The following USP15 variants were observed in gnomAD, a reference collection of about 807,000 sequenced individuals.
USP15 encodes ubiquitin carboxyl-terminal hydrolase 15.
A neutral mutation model predicts 127.1 loss-of-function variants in USP15; 18 were observed. That is an observed-to-expected ratio of 0.14 (90% CI 0.10 to 0.21). The LOEUF is 0.21. USP15 is among the 10% of genes least tolerant of loss of function. The probability of loss-of-function intolerance (pLI) is 1.00; values close to 1 mark genes in which losing one functional copy is unlikely to be tolerated. For synonymous variants in USP15, 364 were observed against 393.7 expected (o/e 0.92, Z 0.89); for missense variants, 805 against 1,159.9 (o/e 0.69, Z 4.44).
chr12:62,277,359 A>G (rs750282462), intron 1 of USP15, among the ~76,000 whole-genome samples: 1 of 152,196 alleles, frequency 6.6e-6, no homozygotes, highest in East Asian at 1.9e-4. Context: ...AAGGAAGGGG[A>G]TGGTATTAGG....
chr12:62,399,120 G>A (rs567967945), intron 20 of USP15, among the ~76,000 whole-genome samples: 2 of 152,094 alleles, frequency 1.3e-5, no homozygotes, highest in South Asian at 4.1e-4. Flanking sequence ...AGATCTAAGT[G>A]CAGCATCTGC....
intron 1 of USP15, among the ~76,000 whole-genome samples, chr12:62,272,600 T>C (rs1448738289): frequency 6.6e-6 from 1 of 151,980 alleles, no homozygotes; most frequent in Non-Finnish European, 1.5e-5. Context: ...TAAATTTGCA[T>C]CTAGTGTAAA....
At chr12:62,330,474 A>G (rs530370391) in intron 6 of USP15, among the ~76,000 whole-genome samples, 1 of 151,658 alleles carries the variant, frequency 6.6e-6, no homozygotes, top group Admixed American at 6.6e-5. Flanking sequence ...AACCCCAGCT[A>G]TTCAGGAGGC....
At chr12:62,380,144 C>T (rs2066946501) in intron 8 of USP15, among the ~76,000 whole-genome samples, 1 of 151,890 alleles carries the variant, frequency 6.6e-6, no homozygotes, top group Non-Finnish European at 1.5e-5. Context: ...ATTATATAAT[C>T]GTAAATTCCA....
In USP15 at chr12:62,324,599, T is replaced by A. The variant is rs190705314; in HGVS notation, c.622-1273T>A. On this transcript the variant is annotated intron_variant, in intron 5 of 21. Coordinates refer to ENST00000280377, the MANE Select transcript of USP15 (RefSeq NM_001252078.2). ...AATTGAGACAGTGATTACTTGTCTCTAGTAGGTAGGGAGAGGAAGGTGATC... is the reference window on the plus strand; with the variant it reads ...AATTGAGACAGTGATTACTTGTCTCAAGTAGGTAGGGAGAGGAAGGTGATC... Among the ~76,000 whole-genome samples, 10 of 152,104 alleles carry A rather than the reference T, an allele frequency of 6.6e-5. No individual in the cohort carries two copies. In the East Asian group the frequency reaches 1.4e-3, roughly 21 times the overall value.
intron 3 of USP15, chr12:62,303,130 C>A: frequency 2.2e-6 from 1 of 444,856 alleles, no homozygotes; most frequent in South Asian, 2.8e-5. Context: ...ATTGATTAAT[C>A]CTCTATATAT....
intron 6 of USP15, among the ~76,000 whole-genome samples, chr12:62,346,086 G>C (rs903893251): frequency 6.6e-6 from 1 of 152,172 alleles, no homozygotes; most frequent in Non-Finnish European, 1.5e-5. Flanking sequence ...GTGGTGTCAT[G>C]AAAACAATGA....
rs148523500 is a variant in USP15, at chr12:62,340,720, T to C, written c.684-8501T>C. Among the ~76,000 whole-genome samples, 9 of 152,346 alleles carry C rather than the reference T, an allele frequency of 5.9e-5. No homozygotes were observed. In the East Asian group the frequency reaches 1.7e-3, roughly 29 times the overall value. On this transcript the variant is annotated intron_variant, in intron 6 of 21. Transcript: ENST00000280377. Reference sequence around the variant, plus strand: ...TGAGTTTCTTATCCTGAGTTCTTACTTGATTGCACTGTGGTCTGAGAGACT... The same window carrying C: ...TGAGTTTCTTATCCTGAGTTCTTACCTGATTGCACTGTGGTCTGAGAGACT...
chr12:62,291,090 A>G (rs2063953598), intron 1 of USP15, among the ~76,000 whole-genome samples: 1 of 151,892 alleles, frequency 6.6e-6, no homozygotes, highest in African/African-American at 2.4e-5. Flanking sequence ...CTTGCAATGT[A>G]TTTTTCTGGG....
At chr12:62,272,102 A>G (rs557383986) in intron 1 of USP15, among the ~76,000 whole-genome samples, 44 of 151,944 alleles carry the variant, frequency 2.9e-4, no homozygotes, top group African/African-American at 8.9e-4. Context: ...AAAATACTAG[A>G]TGCTGCCAGT....
rs1352262968 is a variant in USP15, at chr12:62,415,055, T to A, written c.*10680T>A. The stretch of plus-strand genomic sequence containing the variant: ...ATTTATAAGGAATTAGTTCATGCAC[T>A]TAGGCTGAGAAGTCTCATGATCTTC... On this transcript the variant is annotated 3_prime_UTR_variant, in exon 22 of 22. Transcript: ENST00000280377. 1.3e-5 allele frequency: 2 copies of A among 151,600 alleles called. No homozygotes were observed. Among genetic ancestry groups the A allele is most frequent in the African/African-American group, 4.9e-5 (2 of 41,162 alleles). The allele number at this position is 151,600 out of a possible 1,614,324, so 9.4% of individuals were successfully genotyped here. A position where few individuals can be genotyped will look rare whatever the true frequency, so the allele number is the denominator to read the frequency against.
intron 6 of USP15, among the ~76,000 whole-genome samples, chr12:62,341,630 G>A (rs1268697258): frequency 6.6e-6 from 1 of 152,076 alleles, no homozygotes; most frequent in African/African-American, 2.4e-5. Context: ...TTTCTCCTTT[G>A]CTTCTGAAGC....
chr12:62,303,025 A>G (rs539644223), intron 3 of USP15, 105 bp downstream of exon 3: 5 of 1,332,136 alleles, frequency 3.8e-6, no homozygotes, highest in African/African-American at 3.0e-5. Context: ...TCTTAGAGAA[A>G]AAGCCAGCAA....
intron 4 of USP15, among the ~76,000 whole-genome samples, chr12:62,316,283 CAAA>C (rs146374195): frequency 1.1e-4 from 9 of 85,112 alleles, no homozygotes; most frequent in East Asian, 4.4e-4. Flanking sequence ...GACTTTATCT[CAAA>C]AAAAAAAAAA....
chr12:62,386,355 T>C (rs2067149309), intron 11 of USP15, among the ~76,000 whole-genome samples: 1 of 151,924 alleles, frequency 6.6e-6, no homozygotes, highest in African/African-American at 2.4e-5. Flanking sequence ...AGGAAAAATA[T>C]TGAATATATA....
intron 8 of USP15, among the ~76,000 whole-genome samples, chr12:62,360,450 GA>G (rs1269085830): frequency 6.6e-6 from 1 of 151,834 alleles, no homozygotes; most frequent in Non-Finnish European, 1.5e-5. Context: ...ATACTACACA[GA>G]AATAACATTT....
At position 62,273,435 on chromosome 12, in the gene USP15, T is replaced by C. The variant is rs376460934; in HGVS notation, c.89+12932T>C. On this transcript the variant is annotated intron_variant, in intron 1 of 21. Coordinates refer to ENST00000280377, the MANE Select transcript of USP15 (RefSeq NM_001252078.2). ...TTATTCATATGAAGTATTTTTTGAA[T>C]GAATGAATTCCCATTTCTAAGATGG... Among the ~76,000 whole-genome samples, 4 of 152,132 alleles carry C rather than the reference T, an allele frequency of 2.6e-5. No individual in the cohort carries two copies. The East Asian group carries it at 7.7e-4, about 29-fold the overall frequency.
chr12:62,277,615 C>T (rs1189475005), intron 1 of USP15: 1 of 151,792 alleles, frequency 6.6e-6, no homozygotes, highest in Non-Finnish European at 1.5e-5. Context: ...AGGGTTGTCC[C>T]ATCTTTTGGC....
rs375641102 is a variant in USP15 at position 62,389,718 on chromosome 12, G to A, written c.1652+19G>A. 1.8e-5 allele frequency: 29 copies of A among 1,600,550 alleles called. No individual in the cohort carries two copies. The highest frequency in any genetic ancestry group is 2.3e-5 in the Non-Finnish European group (27 of 1,173,010). On this transcript the variant is annotated intron_variant, in intron 13 of 21. Coordinates refer to ENST00000280377, the MANE Select transcript of USP15 (RefSeq NM_001252078.2). ...TTTATGTGTAAGTATAAAACTCATT[G>A]TGCAAAATATTACTTGAAAAAAAAT...
Sources: allele counts gnomAD v4.1 joint callset (sites outside exome capture counted in the v4.1 genomes callset), GRCh38; gene constraint gnomAD v4.1.1; transcripts MANE v1.5; gene names NCBI Gene and HGNC (gene_info 2026-07-23, HGNC 2026-07-21).